SMARCA2: variants seen among roughly 807,000 people sequenced by gnomAD.
The protein encoded by SMARCA2 is SWI/SNF related BAF chromatin remodeling complex subunit ATPase 2.
SMARCA2 carries 61 observed loss-of-function variants against 199.8 expected under a neutral mutation model. The observed-to-expected ratio is 0.31, with a 90% CI of 0.25 to 0.38. The LOEUF (loss-of-function observed/expected upper bound fraction) is 0.38, where lower values mean the gene tolerates loss of function less well. Among genes scored for constraint, SMARCA2 ranks in the 10% least tolerant of loss-of-function variants. The pLI, the probability that SMARCA2 is intolerant of heterozygous loss-of-function variation, is 1.00. For missense variants in SMARCA2, 1,344 were observed against 2,012.2 expected (o/e 0.67, Z 6.35); for synonymous variants, 935 against 732.0 (o/e 1.28, Z -4.48).
intron 19 of SMARCA2, among the ~76,000 whole-genome samples, chr9:2,091,861 C>T (rs369661197): frequency 6.6e-6 from 1 of 152,170 alleles, no homozygotes; most frequent in Admixed American, 6.6e-5. Context: ...TATTGTTGAG[C>T]ATCTTTTCAT....
chr9:2,082,023 A>G, intron 15 of SMARCA2, 28 bp downstream of exon 15: 2 of 1,596,736 alleles, frequency 1.3e-6, no homozygotes, highest in South Asian at 2.2e-5. Flanking sequence ...TTCCACAGTC[A>G]TCGTTCTGTA....
intron 14 of SMARCA2, chr9:2,079,993 G>A (rs1821496425): frequency 6.6e-6 from 1 of 152,196 alleles, no homozygotes; most frequent in Non-Finnish European, 1.5e-5. Context: ...TGTCTCTCTG[G>A]ATTTATACCT....
chr9:2,128,724 G>C (rs1441455413), intron 27 of SMARCA2, among the ~76,000 whole-genome samples: 1 of 152,264 alleles, frequency 6.6e-6, no homozygotes, highest in East Asian at 1.9e-4. Flanking sequence ...TTGTGAGTGA[G>C]AGGCCTAAAG....
intron 26 of SMARCA2, among the ~76,000 whole-genome samples, chr9:2,121,674 C>T (rs913974289): frequency 5.9e-5 from 9 of 152,118 alleles, no homozygotes; most frequent in African/African-American, 1.9e-4. Context: ...GTATCATAGA[C>T]ACTGGTTTAC....
At chr9:2,103,707 T>G (rs188431724) in intron 22 of SMARCA2, among the ~76,000 whole-genome samples, 44 of 151,012 alleles carry the variant, frequency 2.9e-4, no homozygotes, top group African/African-American at 1.0e-3. Context: ...AAGAATAAGT[T>G]GAGAGAAAGA....
intron 9 of SMARCA2, among the ~76,000 whole-genome samples, chr9:2,062,534 A>G (rs1349892312): frequency 6.6e-6 from 1 of 152,212 alleles, no homozygotes; most frequent in East Asian, 1.9e-4. Context: ...GATTATGCCT[A>G]TATTTTTGTG....
At chr9:2,171,429 A>G (rs1245857572) in intron 29 of SMARCA2, among the ~76,000 whole-genome samples, 1 of 152,192 alleles carries the variant, frequency 6.6e-6, no homozygotes, top group Admixed American at 6.5e-5. Context: ...ATTCTTCTTT[A>G]TATAAGGAGA....
chr9:2,108,398 C>G (rs556797999), intron 23 of SMARCA2, among the ~76,000 whole-genome samples: 2 of 152,282 alleles, frequency 1.3e-5, no homozygotes, highest in South Asian at 4.1e-4. Flanking sequence ...AGCAAGAAAC[C>G]AGAAGCATGC....
intron 27 of SMARCA2, among the ~76,000 whole-genome samples, chr9:2,146,208 G>C (rs1043916728): frequency 6.6e-6 from 1 of 152,132 alleles, no homozygotes; most frequent in Non-Finnish European, 1.5e-5. Context: ...CATGGTAGAA[G>C]GGACATGGGA....
At chr9:2,160,617 A>C (rs1825616903) in intron 27 of SMARCA2, 1 of 702,350 alleles carries the variant, frequency 1.4e-6, no homozygotes, top group African/African-American at 1.7e-5. Context: ...TGGAGAAATG[A>C]AGGTAATTGC....
chr9:2,078,862 G>A (rs985597406), intron 14 of SMARCA2, among the ~76,000 whole-genome samples: 4 of 151,698 alleles, frequency 2.6e-5, no homozygotes, highest in African/African-American at 4.8e-5. Flanking sequence ...GGAGAATGGC[G>A]TGAACCCAGG....
chr9:2,104,243 C>A lies in SMARCA2; in HGVS notation c.3292+74C>A. The A allele has an allele frequency of 7.4e-7, 1 of 1,346,324 alleles. No homozygotes were observed. The highest frequency in any genetic ancestry group is 1.0e-6 in the Non-Finnish European group (1 of 972,238). 83.4% of individuals were successfully genotyped at this position (1,346,324 alleles called of 1,614,324 possible). On this transcript the variant is annotated intron_variant, in intron 23 of 33. Transcript: ENST00000349721. The surrounding 1 kb of genome is among the most constrained non-coding windows in gnomAD (Gnocchi z 4.0). Reference sequence around the variant, plus strand: ...GGGATAATGGGCACTTAGGTCCAATCTCAGCCAAAAAGAAGGGGTAAAATT... The same window carrying A: ...GGGATAATGGGCACTTAGGTCCAATATCAGCCAAAAAGAAGGGGTAAAATT...
chr9:2,184,729 TTCTC>T (rs1421955211), intron 31 of SMARCA2, among the ~76,000 whole-genome samples: 1 of 152,096 alleles, frequency 6.6e-6, no homozygotes, highest in Middle Eastern at 3.2e-3. Flanking sequence ...CTCCTCATCT[TTCTC>T]ATTTGTTTTC....
intron 29 of SMARCA2, among the ~76,000 whole-genome samples, chr9:2,173,914 A>G (rs1313263054): frequency 2.6e-5 from 4 of 152,164 alleles, no homozygotes; most frequent in Non-Finnish European, 5.9e-5. Context: ...TTCAGTGCAG[A>G]GAGAATCTGC....
chr9:2,076,195 T>G (rs1821316642), intron 12 of SMARCA2, 34 bp from the exon 13 acceptor site: 2 of 1,152,268 alleles, frequency 1.7e-6, no homozygotes, highest in Non-Finnish European at 2.6e-6. Context: ...CTTGTTAAAA[T>G]ATAATTTCCT....
At chr9:2,073,490 T>G in intron 11 of SMARCA2, 76 bp from the exon 12 acceptor site, 1 of 1,452,480 alleles carries the variant, frequency 6.9e-7, no homozygotes, top group Non-Finnish European at 9.6e-7. Context: ...GAATGTGCTA[T>G]TAAGTCATGT....
chr9:2,110,850 G>C lies in SMARCA2; in HGVS notation c.3456+433G>C, dbSNP rs1473934087. Among the ~76,000 whole-genome samples, 1 of 152,106 alleles carries C rather than the reference G, an allele frequency of 6.6e-6. No individual in the cohort carries two copies. Among genetic ancestry groups the C allele is most frequent in the Non-Finnish European group, 1.5e-5 (1 of 68,020 alleles). On this transcript the variant is annotated intron_variant, in intron 24 of 33. Coordinates refer to ENST00000349721, the MANE Select transcript of SMARCA2 (RefSeq NM_003070.5). This position sits in a 1 kb window ranked among gnomAD's most constrained non-coding sequence, Gnocchi z 4.8. ...GACGGTTAATATGATTTGAATCTTT[G>C]CAGTCAAGGAAACTGAATCCTAGGC...
chr9:2,141,810 C>T (rs1472791061), intron 27 of SMARCA2, among the ~76,000 whole-genome samples: 1 of 152,156 alleles, frequency 6.6e-6, no homozygotes, highest in Non-Finnish European at 1.5e-5. Flanking sequence ...GAAAGTCAAT[C>T]ACATTTTGGT....
chr9:2,132,767 C>G (rs890019642), intron 27 of SMARCA2, among the ~76,000 whole-genome samples: 1 of 152,124 alleles, frequency 6.6e-6, no homozygotes, highest in Non-Finnish European at 1.5e-5. Context: ...AAGTACTGAA[C>G]TAATTAAGAG....
Sources: allele counts gnomAD v4.1 joint callset (sites outside exome capture counted in the v4.1 genomes callset), GRCh38; gene constraint gnomAD v4.1.1; non-coding constraint Gnocchi (gnomAD v3.1); transcripts MANE v1.5; gene names NCBI Gene and HGNC (gene_info 2026-07-23, HGNC 2026-07-21).